CNTN4: variants seen among roughly 807,000 people sequenced by gnomAD.
CNTN4 encodes contactin-4.
Under a neutral mutation model 122.5 loss-of-function variants are expected in CNTN4, and 77 were observed. The ratio of observed to expected loss-of-function variants is 0.63; its 90% CI spans 0.52 to 0.76. The LOEUF (loss-of-function observed/expected upper bound fraction) is 0.76, where lower values mean the gene tolerates loss of function less well. CNTN4 is among the 30% of genes least tolerant of loss of function. CNTN4 has a pLI of 0.00. For missense variants in CNTN4, 1,256 were observed against 1,259.1 expected (o/e 1.00, Z 0.04); for synonymous variants, 512 against 447.0 (o/e 1.15, Z -1.83).
chr3:2,225,344 C>T (rs946347776), intron 2 of CNTN4, among the ~76,000 whole-genome samples: 2 of 151,540 alleles, frequency 1.3e-5, no homozygotes, highest in African/African-American at 2.4e-5. Context: ...GAAACCCCCT[C>T]TCTACTAAAA....
At chr3:2,937,503 GTT>G (rs1210702445) in intron 13 of CNTN4, among the ~76,000 whole-genome samples, 1 of 152,188 alleles carries the variant, frequency 6.6e-6, no homozygotes, top group Non-Finnish European at 1.5e-5. Context: ...AGGATCCATG[GTT>G]TTACGTGGAC....
intron 2 of CNTN4, among the ~76,000 whole-genome samples, chr3:2,324,060 C>T (rs1036988284): frequency 6.6e-6 from 1 of 152,182 alleles, no homozygotes; most frequent in African/African-American, 2.4e-5. Context: ...TTTATCAGCA[C>T]TCCTGGCCTC....
intron 6 of CNTN4, among the ~76,000 whole-genome samples, chr3:2,777,223 G>C (rs1227400742): frequency 6.6e-6 from 1 of 152,128 alleles, no homozygotes; most frequent in Non-Finnish European, 1.5e-5. Context: ...ACAGAAATTA[G>C]TATAACCCAT....
intron 13 of CNTN4, among the ~76,000 whole-genome samples, chr3:2,975,233 A>C (rs552095175): frequency 6.6e-6 from 1 of 152,212 alleles, no homozygotes; most frequent in Admixed American, 6.5e-5. Flanking sequence ...CAAAGATCTA[A>C]TGGTAAATTT....
chr3:2,304,479 A>T (rs2042633414), intron 2 of CNTN4, among the ~76,000 whole-genome samples: 1 of 152,146 alleles, frequency 6.6e-6, no homozygotes, highest in African/African-American at 2.4e-5. Context: ...ATGATCCTTG[A>T]CATTGATTAT....
chr3:2,218,928 G>A (rs751664924), intron 2 of CNTN4, among the ~76,000 whole-genome samples: 2 of 152,204 alleles, frequency 1.3e-5, no homozygotes, highest in African/African-American at 4.8e-5. Flanking sequence ...GCTGTGCTAT[G>A]GCATGTGAGA....
At chr3:2,707,254 C>G (rs1203619423) in intron 4 of CNTN4, among the ~76,000 whole-genome samples, 1 of 151,218 alleles carries the variant, frequency 6.6e-6, no homozygotes. Flanking sequence ...TGCAGTGAGC[C>G]GAGATCACGC....
intron 3 of CNTN4, among the ~76,000 whole-genome samples, chr3:2,498,548 A>G (rs1358912241): frequency 6.6e-6 from 1 of 152,078 alleles, no homozygotes; most frequent in Non-Finnish European, 1.5e-5. Context: ...TGGCATGATC[A>G]TGGCTCACTG....
chr3:3,005,887 A>AT (rs10630939), intron 14 of CNTN4, among the ~76,000 whole-genome samples: 27,636 of 145,264 alleles, frequency 0.19, 3,290 homozygotes, highest in African/African-American at 0.28. Context: ...ACTGTGTAGA[A>AT]TTTTTTTTTT....
chr3:2,622,081 T>C (rs2082011443), intron 4 of CNTN4, among the ~76,000 whole-genome samples: 1 of 152,204 alleles, frequency 6.6e-6, no homozygotes, highest in African/African-American at 2.4e-5. Flanking sequence ...TTTTAAATGT[T>C]GGAAAACACC....
chr3:2,181,447 C>T (rs552945020), intron 2 of CNTN4, among the ~76,000 whole-genome samples: 4 of 151,992 alleles, frequency 2.6e-5, no homozygotes, highest in Non-Finnish European at 4.4e-5. Context: ...ACGTATCAAA[C>T]GCCAGCAAAT....
chr3:2,124,809 T>G (rs2729010), intron 2 of CNTN4, among the ~76,000 whole-genome samples: 5,113 of 151,120 alleles, frequency 0.034, 184 homozygotes, highest in South Asian at 0.14. Flanking sequence ...GAAGTGTAGT[T>G]GATGTACAAA....
In CNTN4 at chr3:2,142,016, C is replaced by T. The variant is rs552062374; in HGVS notation, c.-145+41377C>T. ...TCACTACCATCATTATGTATTTCTT[C>T]ATCCTGATGCATCTCACATTCATTT... On this transcript the variant is annotated intron_variant, in intron 2 of 24. Transcript: ENST00000418658. 3.0e-4 allele frequency among the ~76,000 whole-genome samples: 46 copies of T among 152,320 alleles called. No individual in the cohort carries two copies. The South Asian group carries it at 9.5e-3, about 32-fold the overall frequency.
intron 3 of CNTN4, among the ~76,000 whole-genome samples, chr3:2,387,983 C>A (rs2046308795): frequency 6.6e-6 from 1 of 152,050 alleles, no homozygotes; most frequent in South Asian, 2.1e-4. Flanking sequence ...TATTTTGGAT[C>A]CATTGTTTTG....
chr3:2,262,832 A>G (rs762485253), intron 2 of CNTN4, among the ~76,000 whole-genome samples: 2 of 152,158 alleles, frequency 1.3e-5, no homozygotes, highest in Admixed American at 6.6e-5. Context: ...AAAACTTGAG[A>G]TAGGCATTCC....
At chr3:2,131,075 C>T (rs1174148793) in intron 2 of CNTN4, among the ~76,000 whole-genome samples, 1 of 152,126 alleles carries the variant, frequency 6.6e-6, no homozygotes. Context: ...GTGTTTATTC[C>T]AAGCCAGACA....
At chr3:2,263,672 A>G (rs917437684) in intron 2 of CNTN4, among the ~76,000 whole-genome samples, 3 of 151,946 alleles carry the variant, frequency 2.0e-5, no homozygotes, top group Admixed American at 1.3e-4. Flanking sequence ...CAAATAGACA[A>G]TAAATTATTG....
At chr3:3,008,648 A>G (rs1391550192) in intron 14 of CNTN4, among the ~76,000 whole-genome samples, 3 of 152,220 alleles carry the variant, frequency 2.0e-5, no homozygotes, top group Non-Finnish European at 2.9e-5. Flanking sequence ...GAAAGGTAAC[A>G]TTATGCAGAG....
At chr3:2,368,096 G>C (rs372101963) in intron 3 of CNTN4, among the ~76,000 whole-genome samples, 2 of 145,050 alleles carry the variant, frequency 1.4e-5, no homozygotes, top group South Asian at 2.2e-4. Context: ...GCAGTGGCGC[G>C]ATCTCGGCTC....
Sources: allele counts gnomAD v4.1 joint callset (sites outside exome capture counted in the v4.1 genomes callset), GRCh38; gene constraint gnomAD v4.1.1; transcripts MANE v1.5; gene names NCBI Gene and HGNC (gene_info 2026-07-23, HGNC 2026-07-21).